Variants in RGS6 observed in about 807,000 individuals in gnomAD.
The protein encoded by RGS6 is regulator of G protein signaling 6, also known as regulator of G-protein signaling 6.
Under a neutral mutation model 78.5 loss-of-function variants are expected in RGS6, and 30 were observed. The observed-to-expected ratio is 0.38, with a 90% CI of 0.29 to 0.52. RGS6 has a LOEUF of 0.52. Among genes scored for constraint, RGS6 ranks in the 20% least tolerant of loss-of-function variants. The pLI is 0.85. For synonymous variants in RGS6, 206 were observed against 206.0 expected, an observed-to-expected ratio of 1.00 and a Z score of 0.00; for missense variants, 495 against 609.7, an observed-to-expected ratio of 0.81 and a Z score of 1.98.
In RGS6 at chr14:72,372,514, G is replaced by A. The variant is rs191439162; in HGVS notation, c.184+20320G>A. ...ATAAGAATTAATGGCAGAAACATTT[G>A]AGCTTATCACTGATGGCATTTGTTG... On this transcript the variant is annotated intron_variant, in intron 3 of 17. Coordinates refer to ENST00000553525, the MANE Select transcript of RGS6 (RefSeq NM_001204424.2). 2.7e-4 allele frequency among the ~76,000 whole-genome samples: 41 copies of A among 152,246 alleles called. No homozygotes were observed. The East Asian group carries it at 4.8e-3, about 18-fold the overall frequency.
chr14:72,347,542 A>G (rs1053917456), intron 2 of RGS6, among the ~76,000 whole-genome samples: 6 of 152,240 alleles, frequency 3.9e-5, no homozygotes, highest in Non-Finnish European at 8.8e-5. Context: ...TTGAGAACAT[A>G]AAGATGAATC....
chr14:72,335,725 T>C (rs2283391), intron 2 of RGS6, among the ~76,000 whole-genome samples: 86,851 of 152,104 alleles, frequency 0.57, 26,277 homozygotes, highest in African/African-American at 0.77. Context: ...CTAACACTAA[T>C]GACAGCTGAT....
At chr14:72,181,443 G>C (rs1011814875) in intron 2 of RGS6, among the ~76,000 whole-genome samples, 1 of 152,186 alleles carries the variant, frequency 6.6e-6, no homozygotes, top group African/African-American at 2.4e-5. Context: ...CTCTGCAAGA[G>C]AGCAAATTGC....
the RGS6 span, chr14:72,594,209 A>G: frequency 3.9e-5 from 6 of 152,202 alleles, no homozygotes; most frequent in Non-Finnish European, 8.8e-5. Flanking sequence ...CAACTCAAAC[A>G]TAGTGGAGCA....
rs147549260 is a variant in RGS6 at position 72,046,917 on chromosome 14, T to C, written c.84+82042T>C. ...CTCACAGCCTTCCAGTATCGACAAA[T>C]AGTAAAAATTGACTTCACATAATAA... On this transcript the variant is annotated intron_variant, in intron 2 of 17. Coordinates refer to ENST00000553525, the MANE Select transcript of RGS6 (RefSeq NM_001204424.2). Among the ~76,000 whole-genome samples the C allele has an allele frequency of 4.5e-4, 69 of 152,248 alleles. No individual in the cohort carries two copies. The East Asian group carries it at 9.5e-3, about 21-fold the overall frequency.
In RGS6 at chr14:72,053,365, G is replaced by A. The variant is rs190930939; in HGVS notation, c.84+88490G>A. ...GATCTCTTGACCTTGTGATCTGCCC[G>A]CCTCTGCCTCCCGAAGTGCTGGGAT... is the stretch of plus-strand genomic sequence containing the variant. On this transcript the variant is annotated intron_variant, in intron 2 of 17. Coordinates refer to ENST00000553525, the MANE Select transcript of RGS6 (RefSeq NM_001204424.2). Among the ~76,000 whole-genome samples, 8 of 151,748 alleles carry A rather than the reference G, an allele frequency of 5.3e-5. 1 individual carries two copies. In the East Asian group the frequency reaches 1.4e-3, roughly 26 times the overall value.
intron 2 of RGS6, among the ~76,000 whole-genome samples, chr14:72,178,724 A>G (rs1388834679): frequency 6.6e-6 from 1 of 152,218 alleles, no homozygotes; most frequent in Non-Finnish European, 1.5e-5. Flanking sequence ...GGGATAGGCT[A>G]CCTAAATTGC....
At chr14:72,073,645 T>G (rs2094480713) in intron 2 of RGS6, among the ~76,000 whole-genome samples, 2 of 152,098 alleles carry the variant, frequency 1.3e-5, no homozygotes, top group South Asian at 4.1e-4. Flanking sequence ...CTTTGGGAAG[T>G]GGAGAATGTG....
At chr14:72,069,341 AT>A (rs1336984314) in intron 2 of RGS6, among the ~76,000 whole-genome samples, 1 of 151,664 alleles carries the variant, frequency 6.6e-6, no homozygotes, top group Non-Finnish European at 1.5e-5. Context: ...TATATACCCT[AT>A]TTCTCTCTTT....
chr14:72,322,303 T>C (rs1374671250), intron 2 of RGS6, among the ~76,000 whole-genome samples: 2 of 151,986 alleles, frequency 1.3e-5, no homozygotes, highest in Non-Finnish European at 2.9e-5. Flanking sequence ...ACCAAAATGG[T>C]TGCCAATAAG....
At chr14:72,555,713 G>C (rs911939370) in intron 17 of RGS6, among the ~76,000 whole-genome samples, 1 of 152,220 alleles carries the variant, frequency 6.6e-6, no homozygotes, top group Non-Finnish European at 1.5e-5. Flanking sequence ...CTCAAACTCC[G>C]TTTGAGTCTG....
At chr14:72,308,579 A>C (rs149765712) in intron 2 of RGS6, among the ~76,000 whole-genome samples, 196 of 152,338 alleles carry the variant, frequency 1.3e-3, no homozygotes, top group African/African-American at 4.6e-3. Context: ...TGCTCAACAC[A>C]GTCCTGCTTA....
At chr14:72,515,331 G>T (rs1443331351) in intron 14 of RGS6, among the ~76,000 whole-genome samples, 1 of 150,452 alleles carries the variant, frequency 6.6e-6, no homozygotes, top group Non-Finnish European at 1.5e-5. Flanking sequence ...GGTTTTATGT[G>T]ACAAAGAAAA....
chr14:72,350,776 G>A (rs911250054), intron 2 of RGS6, among the ~76,000 whole-genome samples: 6 of 152,124 alleles, frequency 3.9e-5, no homozygotes, highest in African/African-American at 1.4e-4. Flanking sequence ...CCTGATTGAT[G>A]CACCTCACTA....
intron 3 of RGS6, among the ~76,000 whole-genome samples, chr14:72,409,131 T>C (rs773183807): frequency 6.6e-6 from 1 of 152,170 alleles, no homozygotes; most frequent in African/African-American, 2.4e-5. Flanking sequence ...GTCGAAAGAT[T>C]CAAGTCAACA....
chr14:72,494,378 A>T lies in RGS6; in HGVS notation c.855-774A>T, dbSNP rs891559806. Among the ~76,000 whole-genome samples the T allele has an allele frequency of 2.0e-5, 3 of 152,202 alleles. No individual in the cohort carries two copies. The South Asian group carries it at 6.2e-4, about 32-fold the overall frequency. On this transcript the variant is annotated intron_variant, in intron 12 of 17. Coordinates refer to ENST00000553525, the MANE Select transcript of RGS6 (RefSeq NM_001204424.2). Reference sequence around the variant, plus strand: ...GATAAATTCTTGTCTAAAATAAAAAAATCAGGAATAGATATAAAAGCGTAT... The same window carrying T: ...GATAAATTCTTGTCTAAAATAAAAATATCAGGAATAGATATAAAAGCGTAT...
At chr14:72,311,335 A>G (rs1236372641) in intron 2 of RGS6, among the ~76,000 whole-genome samples, 4 of 152,200 alleles carry the variant, frequency 2.6e-5, no homozygotes, top group Non-Finnish European at 5.9e-5. Context: ...AGATTCTTAC[A>G]TTTTTTAAAT....
chr14:71,988,732 A>C (rs2094828449), intron 2 of RGS6, among the ~76,000 whole-genome samples: 1 of 152,192 alleles, frequency 6.6e-6, no homozygotes, highest in Non-Finnish European at 1.5e-5. Flanking sequence ...TTGTTGGGAC[A>C]ATATTTCCAT....
chr14:72,210,545 T>G (rs565074285), intron 2 of RGS6, among the ~76,000 whole-genome samples: 1 of 152,320 alleles, frequency 6.6e-6, no homozygotes, highest in East Asian at 1.9e-4. Context: ...CTTCAGGTCT[T>G]TGTCCTGAAG....
Sources: allele counts gnomAD v4.1 joint callset (sites outside exome capture counted in the v4.1 genomes callset), GRCh38; gene constraint gnomAD v4.1.1; transcripts MANE v1.5; gene names NCBI Gene and HGNC (gene_info 2026-07-23, HGNC 2026-07-21).